Variants in PPP1R12B observed in about 807,000 individuals in gnomAD.
The protein encoded by PPP1R12B is protein phosphatase 1 regulatory subunit 12B.
In PPP1R12B, 76 loss-of-function variants were observed where a neutral mutation model predicts 126.1. The ratio of observed to expected loss-of-function variants is 0.60; its 90% CI spans 0.50 to 0.73. The LOEUF (loss-of-function observed/expected upper bound fraction) is 0.73. Among genes scored for constraint, PPP1R12B ranks in the 30% least tolerant of loss-of-function variants. The pLI, the probability that PPP1R12B is intolerant of heterozygous loss-of-function variation, is 0.00. For synonymous variants in PPP1R12B, 356 were observed against 434.7 expected (o/e 0.82, Z 2.25); for missense variants, 1,052 against 1,205.1 (o/e 0.87, Z 1.88).
intron 14 of PPP1R12B, among the ~76,000 whole-genome samples, chr1:202,492,649 G>A (rs1343151022): frequency 6.6e-6 from 1 of 152,186 alleles, no homozygotes; most frequent in East Asian, 1.9e-4. Context: ...AAGAGGTTAT[G>A]TTGTTGTTAT....
intron 18 of PPP1R12B, among the ~76,000 whole-genome samples, chr1:202,506,901 C>T (rs1003017851): frequency 2.0e-5 from 3 of 152,102 alleles, no homozygotes; most frequent in African/African-American, 7.2e-5. Flanking sequence ...GGGAATACAG[C>T]GATGGGGGAT....
chr1:202,411,958 C>A (rs1352876947), intron 1 of PPP1R12B, among the ~76,000 whole-genome samples: 1 of 152,180 alleles, frequency 6.6e-6, no homozygotes, highest in African/African-American at 2.4e-5. Flanking sequence ...AGCCACCATG[C>A]CTAGCCAAAA....
intron 1 of PPP1R12B, among the ~76,000 whole-genome samples, chr1:202,386,427 G>A (rs1663148675): frequency 6.6e-6 from 1 of 151,790 alleles, no homozygotes. Context: ...CGCCTTCTGG[G>A]TTCACACTAT....
intron 20 of PPP1R12B, among the ~76,000 whole-genome samples, chr1:202,563,887 G>A (rs1179276536): frequency 6.6e-6 from 1 of 152,072 alleles, no homozygotes; most frequent in Non-Finnish European, 1.5e-5. Flanking sequence ...GGGCAATATA[G>A]TGAGACCCCC....
At chr1:202,569,218 T>A (rs1688355946) in intron 23 of PPP1R12B, 21 bp downstream of exon 23, 5 of 1,607,556 alleles carry the variant, frequency 3.1e-6, no homozygotes, top group Non-Finnish European at 4.3e-6. Flanking sequence ...ATTTTCTTTC[T>A]TTTTGTATGC....
At chr1:202,497,111 A>G (rs1403589386) in intron 18 of PPP1R12B, among the ~76,000 whole-genome samples, 1 of 152,242 alleles carries the variant, frequency 6.6e-6, no homozygotes, top group Non-Finnish European at 1.5e-5. Context: ...TTATTGGATT[A>G]TATGAAGTAC....
chr1:202,498,050 T>G lies in PPP1R12B; in HGVS notation c.2490+1228T>G, dbSNP rs192695938. ...GGGAATTGCAAAAGGGAAGGCTTTG[T>G]TGTCATAAGAATGTCTTTTGCCAGT... On this transcript the variant is annotated intron_variant, in intron 18 of 23. Transcript: ENST00000608999. Among the ~76,000 whole-genome samples, 24 of 152,036 alleles carry G rather than the reference T, an allele frequency of 1.6e-4. 1 individual carries two copies. The East Asian group carries it at 4.6e-3, about 29-fold the overall frequency.
intron 13 of PPP1R12B, among the ~76,000 whole-genome samples, chr1:202,476,172 T>A (rs1477259539): frequency 4.9e-5 from 7 of 143,658 alleles, no homozygotes; most frequent in African/African-American, 1.8e-4. Context: ...GCCACTGCAC[T>A]CCAGCTTGGG....
intron 23 of PPP1R12B, among the ~76,000 whole-genome samples, chr1:202,573,821 G>A (rs993374819): frequency 6.6e-6 from 1 of 152,206 alleles, no homozygotes; most frequent in African/African-American, 2.4e-5. Context: ...GGTCCAGCTA[G>A]TTTCATTATC....
rs145814012 is a variant in PPP1R12B at position 202,422,803 on chromosome 1, C to T, written c.541+65C>T. 1.9e-4 allele frequency: 312 copies of T among 1,604,514 alleles called. 1 individual carries two copies. In the African/African-American group the frequency reaches 3.6e-3, roughly 19 times the overall value. On this transcript the variant is annotated intron_variant, in intron 3 of 23. Transcript: ENST00000608999. ...AACACTGCCATTTACAGAAAATAAT[C>T]CATTTGCTGTGCAGAGCATTTCACT...
chr1:202,389,152 A>T lies in PPP1R12B; in HGVS notation c.292-27635A>T, dbSNP rs564567997. Among the ~76,000 whole-genome samples, 12 of 152,310 alleles carry T rather than the reference A, an allele frequency of 7.9e-5. No individual in the cohort carries two copies. In the East Asian group the frequency reaches 2.3e-3, roughly 29 times the overall value. On this transcript the variant is annotated intron_variant, in intron 1 of 23. Coordinates refer to ENST00000608999, the MANE Select transcript of PPP1R12B (RefSeq NM_002481.4). Reference sequence around the variant, plus strand: ...TAGTTAATATAATTTTTAGAAGGAAATATAGGTGAATATTTTTATAACTAG... The same window carrying T: ...TAGTTAATATAATTTTTAGAAGGAATTATAGGTGAATATTTTTATAACTAG...
At position 202,540,263 on chromosome 1, in the gene PPP1R12B, C is replaced by T. The variant is rs1452196439; in HGVS notation, c.2491-18614C>T. 4.6e-6 allele frequency: 7 copies of T among 1,530,950 alleles called. No homozygotes were observed. The South Asian group carries it at 5.7e-5, about 12-fold the overall frequency. 94.8% of individuals were successfully genotyped at this position (1,530,950 alleles called of 1,614,324 possible). On this transcript the variant is annotated intron_variant, in intron 18 of 23. Coordinates refer to ENST00000608999, the MANE Select transcript of PPP1R12B (RefSeq NM_002481.4). ...CCGAGTAAGCAGCATTTTTTATTTA[C>T]GTATGTTCATAGCTGTGTCAAAGGT...
chr1:202,425,137 A>G (rs1202329253), intron 3 of PPP1R12B, among the ~76,000 whole-genome samples: 1 of 152,168 alleles, frequency 6.6e-6, no homozygotes, highest in Non-Finnish European at 1.5e-5. Context: ...CAAGATTCCT[A>G]ACCTTTCTAT....
At chr1:202,399,739 G>T (rs1317679934) in intron 1 of PPP1R12B, among the ~76,000 whole-genome samples, 3 of 151,922 alleles carry the variant, frequency 2.0e-5, no homozygotes, top group African/African-American at 7.3e-5. Flanking sequence ...CTCGTGATTT[G>T]CTTGCCTCAG....
chr1:202,353,948 A>T (rs922803090), intron 1 of PPP1R12B, among the ~76,000 whole-genome samples: 2 of 151,820 alleles, frequency 1.3e-5, no homozygotes, highest in African/African-American at 2.4e-5. Context: ...GAATAACTGT[A>T]TATCACCATT....
At chr1:202,544,333 T>G (rs1685436328) in intron 18 of PPP1R12B, among the ~76,000 whole-genome samples, 1 of 152,186 alleles carries the variant, frequency 6.6e-6, no homozygotes, top group Non-Finnish European at 1.5e-5. Flanking sequence ...ATTTATAAAT[T>G]CTATAAATTA....
At chr1:202,555,731 G>A (rs1686859112) in intron 18 of PPP1R12B, among the ~76,000 whole-genome samples, 1 of 152,076 alleles carries the variant, frequency 6.6e-6, no homozygotes. Context: ...ATAGTTTGAA[G>A]GCTGTTCTAC....
intron 1 of PPP1R12B, among the ~76,000 whole-genome samples, chr1:202,389,133 A>G (rs1663649497): frequency 1.3e-5 from 2 of 152,212 alleles, no homozygotes; most frequent in Non-Finnish European, 2.9e-5. Flanking sequence ...CAAATAGTTA[A>G]TATAATTTTT....
intron 13 of PPP1R12B, among the ~76,000 whole-genome samples, chr1:202,477,841 A>G (rs1054002091): frequency 2.0e-5 from 3 of 152,210 alleles, no homozygotes; most frequent in African/African-American, 7.2e-5. Flanking sequence ...ATCATACCAA[A>G]TACAAAGAAA....
Sources: gnomAD v4.1 joint callset for allele counts (sites outside exome capture counted in the v4.1 genomes callset) on GRCh38, gnomAD v4.1.1 for gene constraint, MANE v1.5 for transcripts, NCBI Gene and HGNC (gene_info 2026-07-23, HGNC 2026-07-21) for gene names.